Variants in ANTXR2 observed in about 807,000 individuals in gnomAD.
ANTXR2 encodes the protein anthrax toxin receptor 2.
ANTXR2 carries 44 observed loss-of-function variants against 73.7 expected under a neutral mutation model. The ratio of observed to expected loss-of-function variants is 0.60; its 90% confidence interval spans 0.47 to 0.77. The LOEUF (loss-of-function observed/expected upper bound fraction) is 0.77, where lower values mean the gene tolerates loss of function less well. Ranked by LOEUF, ANTXR2 falls within the 30% of genes least tolerant of loss-of-function variation. The pLI is 0.00. For missense variants in ANTXR2, 604 were observed against 592.5 expected (o/e 1.02, Z -0.20); for synonymous variants, 217 against 205.9 (o/e 1.05, Z -0.46).
chr4:79,923,726 G>C (rs1727676726), intron 16 of ANTXR2, among the ~76,000 whole-genome samples: 1 of 152,094 alleles, frequency 6.6e-6, no homozygotes, highest in Non-Finnish European at 1.5e-5. Flanking sequence ...TTAAATCAGT[G>C]CACAGTTAAC....
intron 12 of ANTXR2, among the ~76,000 whole-genome samples, chr4:80,007,591 T>C (rs539736118): frequency 6.6e-6 from 1 of 152,304 alleles, no homozygotes; most frequent in East Asian, 1.9e-4. Flanking sequence ...GCTAAGTGCG[T>C]CCAATCTAAT....
At chr4:79,932,719 G>A (rs1013635696) in intron 16 of ANTXR2, among the ~76,000 whole-genome samples, 4 of 144,044 alleles carry the variant, frequency 2.8e-5, no homozygotes, top group African/African-American at 8.1e-5. Context: ...TTGAACCTGG[G>A]AAGTAGAGGT....
intron 12 of ANTXR2, among the ~76,000 whole-genome samples, chr4:80,002,168 G>T (rs1731077304): frequency 6.6e-6 from 1 of 152,118 alleles, no homozygotes; most frequent in Non-Finnish European, 1.5e-5. Flanking sequence ...TATACTACAA[G>T]GGTACAGTAA....
intron 16 of ANTXR2, among the ~76,000 whole-genome samples, chr4:79,920,108 C>T (rs1578083106): frequency 6.6e-6 from 1 of 151,666 alleles, no homozygotes; most frequent in East Asian, 2.0e-4. Flanking sequence ...CCTAGCTCTG[C>T]CTGCTGGAAA....
At position 80,072,443 on chromosome 4, in the gene ANTXR2, T is replaced by C. The variant is rs762824700; in HGVS notation, c.118A>G (p.Arg40Gly). The C allele has an allele frequency of 6.2e-7, 1 of 1,607,642 alleles. No homozygotes were observed. Among genetic ancestry groups the C allele is most frequent in the Admixed American group, 1.7e-5 (1 of 59,514 alleles). The change falls in exon 1 of 17, where the codon AGA becomes GGA. Residue 40 changes from arginine (R) to glycine (G), a missense_variant. By Grantham distance (125) the Arg-to-Gly change is moderately radical. Transcript: ENST00000403729. ...LLRAQEQPSC[R>G]RAFDLYFVLD... ...ACGAAGTAGAGATCAAAGGCTCTTC[T>C]GCAGGAGGGCTGCTCCTGGGCGCGC...
At chr4:80,045,161 C>T (rs1432587401) in intron 7 of ANTXR2, among the ~76,000 whole-genome samples, 2 of 151,698 alleles carry the variant, frequency 1.3e-5, no homozygotes, top group East Asian at 3.9e-4. Context: ...TGAAGAGAAA[C>T]AAACTTAAGT....
intron 10 of ANTXR2, among the ~76,000 whole-genome samples, chr4:80,026,622 T>G (rs767726762): frequency 1.3e-5 from 2 of 152,124 alleles, no homozygotes; most frequent in African/African-American, 2.4e-5. Context: ...AGTAGAATTA[T>G]CTACTAAATA....
chr4:79,914,084 G>A (rs1727253608), intron 16 of ANTXR2, among the ~76,000 whole-genome samples: 1 of 151,914 alleles, frequency 6.6e-6, no homozygotes, highest in Non-Finnish European at 1.5e-5. Context: ...GAAGAGCCCT[G>A]TGAATTTTGG....
intron 16 of ANTXR2, among the ~76,000 whole-genome samples, chr4:79,932,242 C>T (rs1304447109): frequency 1.3e-5 from 2 of 151,638 alleles, no homozygotes; most frequent in African/African-American, 4.8e-5. Flanking sequence ...CACTAATATA[C>T]ATTTGAATTT....
chr4:80,045,940 A>G (rs1225739304), intron 7 of ANTXR2, among the ~76,000 whole-genome samples: 1 of 151,760 alleles, frequency 6.6e-6, no homozygotes, highest in Admixed American at 6.6e-5. Context: ...GGTTGAGTTC[A>G]TTCCTTAAAA....
At chr4:79,992,857 T>C (rs1730537424) in intron 12 of ANTXR2, among the ~76,000 whole-genome samples, 1 of 152,050 alleles carries the variant, frequency 6.6e-6, no homozygotes, top group African/African-American at 2.4e-5. Context: ...ACCTAAAAAG[T>C]TGGCATAATC....
chr4:80,020,094 CA>C (rs1732084575), intron 10 of ANTXR2, among the ~76,000 whole-genome samples: 1 of 152,174 alleles, frequency 6.6e-6, no homozygotes, highest in South Asian at 2.1e-4. Flanking sequence ...CATCCATCCA[CA>C]GGGTAGGCAT....
intron 16 of ANTXR2, among the ~76,000 whole-genome samples, chr4:79,922,382 T>C (rs969399179): frequency 6.6e-6 from 1 of 152,098 alleles, no homozygotes; most frequent in Non-Finnish European, 1.5e-5. Context: ...TTGTCCTTAA[T>C]GAATGCAGGC....
Position 79,915,819 on chromosome 4 carries a change from TGTCTCTCTCC to T in ANTXR2, c.1429-8362_1429-8353del, listed in dbSNP as rs1265210333. 2.1e-3 allele frequency among the ~76,000 whole-genome samples: 276 copies of T among 128,438 alleles called. 2 individuals carry two copies. Among genetic ancestry groups the T allele is most frequent in the African/African-American group, 5.3e-3 (179 of 33,564 alleles). 84.3% of individuals were successfully genotyped at this position (128,438 alleles called of 152,430 possible). ...CTCTCTCTGTCTCTGTCTCTGTCTC[TGTCTCTCTCC>T]CTCTCTCTCTCTCTCTCTCTCTCTC... is the stretch of plus-strand genomic sequence containing the variant. On this transcript the variant is annotated intron_variant, in intron 16 of 16. Coordinates refer to ENST00000403729, the MANE Select transcript of ANTXR2 (RefSeq NM_058172.6).
chr4:80,037,212 G>A (rs1007745735), intron 7 of ANTXR2, among the ~76,000 whole-genome samples: 4 of 152,172 alleles, frequency 2.6e-5, no homozygotes, highest in African/African-American at 9.7e-5. Flanking sequence ...GGCAGAAGTT[G>A]AAGACAGATT....
chr4:79,935,967 C>G (rs1050022363), intron 16 of ANTXR2, among the ~76,000 whole-genome samples: 1 of 152,156 alleles, frequency 6.6e-6, no homozygotes, highest in Non-Finnish European at 1.5e-5. Flanking sequence ...AGTGGAATCT[C>G]TCTTCTGAAA....
At chr4:80,029,476 T>A (rs927374929) in intron 10 of ANTXR2, among the ~76,000 whole-genome samples, 2 of 151,914 alleles carry the variant, frequency 1.3e-5, no homozygotes, top group South Asian at 4.1e-4. Context: ...ACAAAAATAT[T>A]TAAGAAAAAT....
At chr4:80,036,863 T>C (rs946313340) in intron 7 of ANTXR2, among the ~76,000 whole-genome samples, 1 of 152,160 alleles carries the variant, frequency 6.6e-6, no homozygotes, top group East Asian at 1.9e-4. Context: ...ATCCCATTTC[T>C]CAGGCTTAAT....
rs570936839 is a variant in ANTXR2 at position 80,063,211 on chromosome 4, C to T, written c.296+6225G>A. ...GAATAATTCACTCTTATTAACTGGC[C>T]CAGGAATTGGGCAGCAAGAGGGTGA... On this transcript the variant is annotated intron_variant, in intron 3 of 16. Transcript: ENST00000403729. Among the ~76,000 whole-genome samples the T allele has an allele frequency of 4.3e-4, 65 of 152,136 alleles. 1 individual carries two copies. In the South Asian group the frequency reaches 8.3e-3, roughly 19 times the overall value.
Sources: allele counts gnomAD v4.1 joint callset (sites outside exome capture counted in the v4.1 genomes callset), GRCh38; gene constraint gnomAD v4.1.1; transcripts MANE v1.5; gene names NCBI Gene and HGNC (gene_info 2026-07-23, HGNC 2026-07-21).